Variants in ZNF804B observed in about 807,000 individuals in gnomAD.
ZNF804B encodes zinc finger 804B.
ZNF804B carries 80 observed loss-of-function variants against 101.4 expected under a neutral mutation model. That is an observed-to-expected ratio of 0.79 (90% confidence interval 0.66 to 0.95). ZNF804B has a LOEUF of 0.95. Ranked by LOEUF, ZNF804B falls within the 40% of genes least tolerant of loss-of-function variation. The pLI is 0.00. For missense variants in ZNF804B, 1,673 were observed against 1,561.9 expected, an observed-to-expected ratio of 1.07 and a Z score of -1.20; for synonymous variants, 622 against 558.8, an observed-to-expected ratio of 1.11 and a Z score of -1.59.
At chr7:89,098,775 G>A (rs575168327) in intron 1 of ZNF804B, among the ~76,000 whole-genome samples, 1 of 152,012 alleles carries the variant, frequency 6.6e-6, no homozygotes, top group Admixed American at 6.6e-5. Context: ...TTTAAATGGG[G>A]ATGAAGGAGA....
At chr7:89,009,146 T>C (rs6978072) in intron 1 of ZNF804B, among the ~76,000 whole-genome samples, 78,014 of 151,978 alleles carry the variant, frequency 0.51, 21,086 homozygotes, top group Middle Eastern at 0.63. Context: ...TCAGAATTCT[T>C]CTGCAATTTT....
intron 1 of ZNF804B, among the ~76,000 whole-genome samples, chr7:89,079,357 T>C (rs1789660971): frequency 1.3e-5 from 2 of 152,036 alleles, no homozygotes; most frequent in Non-Finnish European, 1.5e-5. Context: ...AAGTAAAAAG[T>C]AAAACATAAG....
At chr7:89,179,447 T>C (rs965562199) in intron 1 of ZNF804B, among the ~76,000 whole-genome samples, 4 of 152,228 alleles carry the variant, frequency 2.6e-5, no homozygotes, top group African/African-American at 9.6e-5. Flanking sequence ...TTCTTCAGTA[T>C]AGCAATTAAA....
intron 1 of ZNF804B, among the ~76,000 whole-genome samples, chr7:89,052,620 A>G (rs1298431109): frequency 6.6e-6 from 1 of 152,146 alleles, no homozygotes; most frequent in Non-Finnish European, 1.5e-5. Flanking sequence ...AAAACATTGA[A>G]TGGCATATAG....
chr7:89,072,945 G>T (rs1332638162), intron 1 of ZNF804B, among the ~76,000 whole-genome samples: 5 of 152,080 alleles, frequency 3.3e-5, no homozygotes. Context: ...ATGAGTTCAA[G>T]CCAGGGTATC....
chr7:88,897,723 T>A (rs1432773416), intron 1 of ZNF804B, among the ~76,000 whole-genome samples: 1 of 152,172 alleles, frequency 6.6e-6, no homozygotes, highest in Non-Finnish European at 1.5e-5. Flanking sequence ...TAAATCAAAG[T>A]CTCTCTTCCT....
chr7:89,111,181 A>G (rs117458443), intron 1 of ZNF804B, among the ~76,000 whole-genome samples: 327 of 152,342 alleles, frequency 2.1e-3, no homozygotes, highest in Non-Finnish European at 3.6e-3. Flanking sequence ...TAAAGCTGCT[A>G]TAAACATTTG....
At chr7:89,150,149 T>C (rs1231053135) in intron 1 of ZNF804B, among the ~76,000 whole-genome samples, 2 of 152,044 alleles carry the variant, frequency 1.3e-5, no homozygotes, top group African/African-American at 4.8e-5. Flanking sequence ...AATCATTCTG[T>C]TACCTGGCCT....
intron 1 of ZNF804B, among the ~76,000 whole-genome samples, chr7:89,069,223 A>C (rs2116294287): frequency 6.6e-6 from 1 of 152,318 alleles, no homozygotes; most frequent in African/African-American, 2.4e-5. Flanking sequence ...GGCAAGAGAA[A>C]TCTCTTATGT....
Position 89,335,507 on chromosome 7 carries a change from A to T in ZNF804B, c.2525A>T (p.Lys842Ile). 6.2e-7 allele frequency: 1 copy of T among 1,613,952 alleles called. No homozygotes were observed. The highest frequency in any genetic ancestry group is 8.5e-7 in the Non-Finnish European group (1 of 1,179,936). The change falls in exon 4 of 4, where the codon AAA becomes ATA. Residue 842 changes from lysine to isoleucine, a missense_variant. By Grantham distance (102) the Lys-to-Ile change is moderately radical. Coordinates refer to ENST00000333190, the MANE Select transcript of ZNF804B (RefSeq NM_181646.5). ...SQISCTGSSK[K>I]PPNCQGTQHD... ...ATTTCCTGTACTGGAAGCAGTAAAA[A>T]ACCACCTAATTGCCAGGGAACTCAG...
intron 2 of ZNF804B, among the ~76,000 whole-genome samples, chr7:89,274,195 A>G (rs1789942050): frequency 7.1e-6 from 1 of 141,834 alleles, no homozygotes; most frequent in Non-Finnish European, 1.5e-5. Context: ...GTTTTAGGGT[A>G]CATGTGCACA....
intron 1 of ZNF804B, among the ~76,000 whole-genome samples, chr7:89,177,193 A>T (rs994023163): frequency 2.6e-5 from 4 of 152,104 alleles, no homozygotes; most frequent in Non-Finnish European, 5.9e-5. Context: ...GTTATTTAAG[A>T]TGCATCATTA....
chr7:89,107,313 C>G (rs1790149598), intron 1 of ZNF804B, among the ~76,000 whole-genome samples: 1 of 151,734 alleles, frequency 6.6e-6, no homozygotes, highest in Non-Finnish European at 1.5e-5. Context: ...ATTTAATGAT[C>G]CTTTTACATG....
At chr7:88,839,305 G>A (rs140991588) in intron 1 of ZNF804B, among the ~76,000 whole-genome samples, 2 of 151,950 alleles carry the variant, frequency 1.3e-5, no homozygotes, top group African/African-American at 4.8e-5. Flanking sequence ...ACCAGGCTAA[G>A]TGCTTTATAT....
intron 1 of ZNF804B, among the ~76,000 whole-genome samples, chr7:88,951,609 A>G (rs1438447459): frequency 6.6e-6 from 1 of 151,916 alleles, no homozygotes; most frequent in Non-Finnish European, 1.5e-5. Context: ...AATTACTTTT[A>G]CATTCAAGAA....
At chr7:89,307,916 A>G (rs1430427944) in intron 2 of ZNF804B, among the ~76,000 whole-genome samples, 1 of 152,058 alleles carries the variant, frequency 6.6e-6, no homozygotes, top group African/African-American at 2.4e-5. Flanking sequence ...TTTTTCCTCA[A>G]GTATATACTC....
At chr7:89,115,272 T>A (rs962549725) in intron 1 of ZNF804B, among the ~76,000 whole-genome samples, 1 of 152,142 alleles carries the variant, frequency 6.6e-6, no homozygotes, top group Non-Finnish European at 1.5e-5. Flanking sequence ...TTCAAGACAT[T>A]CCAAACATGG....
chr7:89,254,485 C>T (rs1448279202), intron 2 of ZNF804B, among the ~76,000 whole-genome samples: 1 of 150,664 alleles, frequency 6.6e-6, no homozygotes, highest in Non-Finnish European at 1.5e-5. Context: ...ACCCACAACA[C>T]ATTCTTAGAA....
intron 1 of ZNF804B, among the ~76,000 whole-genome samples, chr7:89,200,890 T>C (rs1452474201): frequency 3.9e-5 from 6 of 152,040 alleles, no homozygotes; most frequent in African/African-American, 1.4e-4. Context: ...CTCCATGTTT[T>C]CATCATACTT....
Sources: gnomAD v4.1 joint callset for allele counts (sites outside exome capture counted in the v4.1 genomes callset) on GRCh38, gnomAD v4.1.1 for gene constraint, MANE v1.5 for transcripts, NCBI Gene and HGNC (gene_info 2026-07-23, HGNC 2026-07-21) for gene names.